GALNT18: variants seen among roughly 807,000 people sequenced by gnomAD.
The protein encoded by GALNT18 is GalNAc-transferase 18.
Under a neutral mutation model 69.5 loss-of-function variants are expected in GALNT18, and 44 were observed. That is an observed-to-expected ratio of 0.63 (90% CI 0.50 to 0.81). The LOEUF (loss-of-function observed/expected upper bound fraction) is 0.81, where lower values mean the gene tolerates loss of function less well. GALNT18 is among the 40% of genes least tolerant of loss of function. The pLI, the probability that GALNT18 is intolerant of heterozygous loss-of-function variation, is 0.00. For missense variants in GALNT18, 715 were observed against 810.0 expected (o/e 0.88, Z 1.42); for synonymous variants, 364 against 318.2 (o/e 1.14, Z -1.53).
intron 1 of GALNT18, among the ~76,000 whole-genome samples, chr11:11,477,839 G>C (rs891069120): frequency 6.6e-6 from 1 of 152,138 alleles, no homozygotes; most frequent in East Asian, 1.9e-4. Flanking sequence ...TTACACCCCA[G>C]GAGTCTTGTT....
rs1859980500 is a variant in GALNT18, at chr11:11,613,990, T to C, written c.235+7369A>G. On this transcript the variant is annotated intron_variant, in intron 1 of 10. Transcript: ENST00000227756. The surrounding 1 kb of genome is among the most constrained non-coding windows in gnomAD (Gnocchi z 4.2). Reference sequence around the variant, plus strand: ...TAACATCACCTCCAGCTGTACTGCTTGGCAATGTGCTTCTCCACAGGGCAG... The same window carrying C: ...TAACATCACCTCCAGCTGTACTGCTCGGCAATGTGCTTCTCCACAGGGCAG... Among the ~76,000 whole-genome samples, 1 of 152,152 alleles carries C rather than the reference T, an allele frequency of 6.6e-6. No homozygotes were observed.
chr11:11,530,747 G>A (rs958965261), intron 1 of GALNT18, among the ~76,000 whole-genome samples: 2 of 152,214 alleles, frequency 1.3e-5, no homozygotes, highest in African/African-American at 4.8e-5. Flanking sequence ...CAGCTGTGCT[G>A]CTGGTTGGAG....
At chr11:11,272,667 A>T (rs570159405) in intron 10 of GALNT18, among the ~76,000 whole-genome samples, 1 of 152,318 alleles carries the variant, frequency 6.6e-6, no homozygotes, top group South Asian at 2.1e-4. Context: ...CTCCCATGAC[A>T]GGCTAAGCTG....
Position 11,542,362 on chromosome 11 carries a change from C to A in GALNT18, c.235+78997G>T, listed in dbSNP as rs1857949077. The stretch of plus-strand genomic sequence containing the variant: ...TACCATAGCAACCTGGACCTCCTCT[C>A]CAGATCACTCCTACTTCCATGTTGT... On this transcript the variant is annotated intron_variant, in intron 1 of 10. Transcript: ENST00000227756. The surrounding 1 kb of genome is among the most constrained non-coding windows in gnomAD (Gnocchi z 4.3). 6.6e-6 allele frequency among the ~76,000 whole-genome samples: 1 copy of A among 152,206 alleles called. No individual in the cohort carries two copies. Among genetic ancestry groups the A allele is most frequent in the Non-Finnish European group, 1.5e-5 (1 of 68,036 alleles).
In GALNT18 at chr11:11,614,822, C is replaced by T. The variant is rs1860007197; in HGVS notation, c.235+6537G>A. 6.6e-6 allele frequency among the ~76,000 whole-genome samples: 1 copy of T among 152,178 alleles called. No homozygotes were observed. Among genetic ancestry groups the T allele is most frequent in the Non-Finnish European group, 1.5e-5 (1 of 68,040 alleles). ...TGAGATTCTCCACCAACCTACTTAT[C>T]AAGGGAAAATAACAATTTATGTCAA... On this transcript the variant is annotated intron_variant, in intron 1 of 10. Coordinates refer to ENST00000227756, the MANE Select transcript of GALNT18 (RefSeq NM_198516.3). This position sits in a 1 kb window ranked among gnomAD's most constrained non-coding sequence, Gnocchi z 5.6.
At chr11:11,304,497 A>C (rs73417619) in intron 9 of GALNT18, among the ~76,000 whole-genome samples, 2,524 of 152,216 alleles carry the variant, frequency 0.017, 58 homozygotes, top group African/African-American at 0.056. Context: ...AGCTGTGCCT[A>C]CTCAATCACA....
At chr11:11,416,950 G>A (rs1288253004) in intron 3 of GALNT18, among the ~76,000 whole-genome samples, 3 of 152,336 alleles carry the variant, frequency 2.0e-5, no homozygotes, top group East Asian at 3.9e-4. Context: ...AGCCCCACCT[G>A]ACTGACAAGC....
At chr11:11,374,616 T>A (rs1853686375) in intron 5 of GALNT18, among the ~76,000 whole-genome samples, 1 of 152,228 alleles carries the variant, frequency 6.6e-6, no homozygotes, top group African/African-American at 2.4e-5. Flanking sequence ...AAACAGTTAC[T>A]CTGAGATGAG....
chr11:11,432,873 T>G lies in GALNT18; in HGVS notation c.429-86A>C. ...CCCAGCCCATGTCCTGGCTCCAGCT[T>G]TGCTGGAGGGCTCGGGAGTCCAGAT... is the stretch of plus-strand genomic sequence containing the variant. On this transcript the variant is annotated intron_variant, in intron 2 of 10. Coordinates refer to ENST00000227756, the MANE Select transcript of GALNT18 (RefSeq NM_198516.3). The surrounding 1 kb of genome is among the most constrained non-coding windows in gnomAD (Gnocchi z 5.8). The G allele has an allele frequency of 1.4e-6, 2 of 1,382,752 alleles. No individual in the cohort carries two copies. Among genetic ancestry groups the G allele is most frequent in the Middle Eastern group, 1.9e-4 (1 of 5,274 alleles). 85.7% of individuals were successfully genotyped at this position (1,382,752 alleles called of 1,614,324 possible). A position where few individuals can be genotyped will look rare whatever the true frequency, so the allele number is the denominator to read the frequency against.
At chr11:11,553,556 G>GA (rs34868312) in intron 1 of GALNT18, among the ~76,000 whole-genome samples, 30,853 of 152,142 alleles carry the variant, frequency 0.2, 3,733 homozygotes, top group Non-Finnish European at 0.26. Flanking sequence ...TCCATGGAGG[G>GA]GAGAGGAGGG....
chr11:11,546,121 A>T lies in GALNT18; in HGVS notation c.235+75238T>A, dbSNP rs148873727. 1.1e-4 allele frequency among the ~76,000 whole-genome samples: 16 copies of T among 152,118 alleles called. No homozygotes were observed. Among genetic ancestry groups the T allele is most frequent in the Admixed American group, 2.6e-4 (4 of 15,278 alleles). On this transcript the variant is annotated intron_variant, in intron 1 of 10. Transcript: ENST00000227756. This position sits in a 1 kb window ranked among gnomAD's most constrained non-coding sequence, Gnocchi z 5.8. Reference sequence around the variant, plus strand: ...TCCTTTCCCAGGTGTCTGTGACACAATCTGAGCCCTGGTATCCCTGAGAAG... The same window carrying T: ...TCCTTTCCCAGGTGTCTGTGACACATTCTGAGCCCTGGTATCCCTGAGAAG...
chr11:11,417,986 GT>G (rs1365930147), intron 3 of GALNT18, among the ~76,000 whole-genome samples: 6 of 152,230 alleles, frequency 3.9e-5, no homozygotes, highest in Non-Finnish European at 7.3e-5. Flanking sequence ...ATTCACTTAG[GT>G]TAATATACCA....
intron 1 of GALNT18, among the ~76,000 whole-genome samples, chr11:11,481,777 A>T (rs933271225): frequency 2.0e-5 from 3 of 152,056 alleles, no homozygotes; most frequent in Non-Finnish European, 2.9e-5. Context: ...CACCTGCTGC[A>T]CCTCTGAGGA....
At chr11:11,283,906 G>A (rs1849138283) in intron 10 of GALNT18, among the ~76,000 whole-genome samples, 1 of 152,116 alleles carries the variant, frequency 6.6e-6, no homozygotes, top group Non-Finnish European at 1.5e-5. Flanking sequence ...AATTTTGAAG[G>A]CTAATAATAA....
intron 1 of GALNT18, among the ~76,000 whole-genome samples, chr11:11,498,468 G>A (rs548343987): frequency 2.6e-5 from 4 of 152,352 alleles, no homozygotes; most frequent in Admixed American, 2.6e-4. Context: ...GGCTTCTGTA[G>A]AAGAGTCGAG....
Position 11,543,119 on chromosome 11 carries a change from T to C in GALNT18, c.235+78240A>G. Among the ~76,000 whole-genome samples, 1 of 152,230 alleles carries C rather than the reference T, an allele frequency of 6.6e-6. No individual in the cohort carries two copies. Among genetic ancestry groups the C allele is most frequent in the Non-Finnish European group, 1.5e-5 (1 of 68,042 alleles). On this transcript the variant is annotated intron_variant, in intron 1 of 10. Transcript: ENST00000227756. The surrounding 1 kb of genome is among the most constrained non-coding windows in gnomAD (Gnocchi z 5.1). ...GCTTGGTCAGTGTTAGTTACTATTA[T>C]TAAGAAGCCGATGCCTTCTCTGGTC...
intron 6 of GALNT18, among the ~76,000 whole-genome samples, chr11:11,344,262 T>C (rs1256444029): frequency 6.6e-6 from 1 of 152,064 alleles, no homozygotes; most frequent in Non-Finnish European, 1.5e-5. Context: ...CATGGGTCTT[T>C]TTCCCCTCAC....
chr11:11,281,257 G>A (rs1360301444), intron 10 of GALNT18, among the ~76,000 whole-genome samples: 1 of 151,990 alleles, frequency 6.6e-6, no homozygotes, highest in African/African-American at 2.4e-5. Flanking sequence ...GCGGTTAGCT[G>A]TGTGGCCTGG....
At chr11:11,272,960 T>TGCA (rs1329457104) in intron 10 of GALNT18, among the ~76,000 whole-genome samples, 17 of 152,288 alleles carry the variant, frequency 1.1e-4, no homozygotes, top group Admixed American at 5.2e-4. Context: ...AGGACAGTCT[T>TGCA]TTCAATAAAT....
Sources: allele counts gnomAD v4.1 joint callset (sites outside exome capture counted in the v4.1 genomes callset), GRCh38; gene constraint gnomAD v4.1.1; non-coding constraint Gnocchi (gnomAD v3.1); transcripts MANE v1.5; gene names NCBI Gene and HGNC (gene_info 2026-07-23, HGNC 2026-07-21).